VCAN: variants seen among roughly 807,000 people sequenced by gnomAD.
The protein encoded by VCAN is versican core protein.
In VCAN, 44 loss-of-function variants were observed where a neutral mutation model predicts 245.5. The observed-to-expected ratio is 0.18, with a 90% CI of 0.14 to 0.23. VCAN has a LOEUF of 0.23. Among genes scored for constraint, VCAN ranks in the 10% least tolerant of loss-of-function variants. The probability of loss-of-function intolerance (pLI) is 1.00; values close to 1 mark genes in which losing one functional copy is unlikely to be tolerated. For missense variants in VCAN, 3,793 were observed against 4,057.9 expected (o/e 0.93, Z 1.77); for synonymous variants, 1,413 against 1,437.0 (o/e 0.98, Z 0.38).
chr5:83,473,142 G>C (rs1744255425), intron 1 of VCAN, among the ~76,000 whole-genome samples: 1 of 152,172 alleles, frequency 6.6e-6, no homozygotes, highest in African/African-American at 2.4e-5. Flanking sequence ...CGGCTGGAGC[G>C]CCCCACCGTC....
intron 3 of VCAN, 106 bp downstream of exon 3, chr5:83,490,578 G>GTTT (rs963975054): frequency 6.2e-5 from 94 of 1,504,262 alleles, no homozygotes; most frequent in Admixed American, 4.8e-4. Context: ...TTGGATGAGC[G>GTTT]GAAAAACACC....
chr5:83,521,324 C>T lies in VCAN; in HGVS notation c.3018C>T (p.Val1006=). Residue 1006 remains valine (V), a synonymous_variant, in exon 7 of 15, where the codon GTC becomes GTT. Transcript: ENST00000265077. ...GTGAACCCTCTCAAGACATACTTGT[C>T]ATTGATCAGACTCGCCTTGAAGCGA... is the stretch of plus-strand genomic sequence containing the variant. The part of the protein sequence containing the change: ...VLGEPSQDIL[V]IDQTRLEATI... 1.2e-6 allele frequency: 2 copies of T among 1,614,082 alleles called. No homozygotes were observed. The highest frequency in any genetic ancestry group is 1.7e-6 in the Non-Finnish European group (2 of 1,179,952).
At chr5:83,544,105 T>C (rs1426015703) in intron 8 of VCAN, among the ~76,000 whole-genome samples, 2 of 152,222 alleles carry the variant, frequency 1.3e-5, no homozygotes, top group Non-Finnish European at 2.9e-5. Flanking sequence ...CCTAGTGTCA[T>C]TTGGATTCAG....
intron 8 of VCAN, among the ~76,000 whole-genome samples, chr5:83,543,107 A>G (rs781510510): frequency 1.5e-4 from 23 of 152,202 alleles, no homozygotes; most frequent in Non-Finnish European, 2.8e-4. Flanking sequence ...TAGTCTTTTC[A>G]CTGCTCTTTG....
At position 83,538,225 on chromosome 5, in the gene VCAN, A is replaced by G; in HGVS notation, c.5222A>G (p.Tyr1741Cys). ...GGTACGGCTTCTACATTTGAGGTAT[A>G]TTCATCTACACAGAGATCGGATCAA... is the stretch of plus-strand genomic sequence containing the variant. Reference protein sequence around the residue: ...TTGTASTFEVYSSTQRSDQLI... With the variant: ...TTGTASTFEVCSSTQRSDQLI... The change falls in exon 8 of 15, where the codon TAT (tyrosine) becomes TGT (cysteine). Residue 1741 changes from tyrosine (Y) to cysteine (C), a missense_variant. Physicochemically the swap from Tyr to Cys is radical, Grantham distance 194. Transcript: ENST00000265077. The G allele has an allele frequency of 6.2e-7, 1 of 1,613,728 alleles. No individual in the cohort carries two copies. The highest frequency in any genetic ancestry group is 8.5e-7 in the Non-Finnish European group (1 of 1,179,920).
Position 83,541,483 on chromosome 5 carries a change from C to G in VCAN, c.8480C>G (p.Ser2827Cys). The G allele has an allele frequency of 6.2e-7, 1 of 1,614,096 alleles. No homozygotes were observed. Among genetic ancestry groups the G allele is most frequent in the East Asian group, 2.2e-5 (1 of 44,872 alleles). ...FAKLSSQTPS[S>C]PLTIYSGSEA... ...AAGTTGTCTTCTCAGACACCATCAT[C>G]TCCCCTCACTATCTACTCAGGCAGT... Residue 2827 changes from serine to cysteine, a missense_variant, in exon 8 of 15, where the codon TCT becomes TGT. By Grantham distance (112) the Ser-to-Cys change is moderately radical (BLOSUM62 -1). Around this residue, in one of 5 missense-constraint regions of VCAN, gnomAD observed 3,182 missense variants for 3,250.3 expected, o/e 0.98. Transcript: ENST00000265077.
At position 83,567,395 on chromosome 5, in the gene VCAN, G is replaced by A. The variant is rs560557229; in HGVS notation, c.9736-5021G>A. Among the ~76,000 whole-genome samples, 3 of 152,188 alleles carry A rather than the reference G, an allele frequency of 2.0e-5. No individual in the cohort carries two copies. In the South Asian group the frequency reaches 6.2e-4, roughly 32 times the overall value. On this transcript the variant is annotated intron_variant, in intron 12 of 14. Coordinates refer to ENST00000265077, the MANE Select transcript of VCAN (RefSeq NM_004385.5). ...GGCTCACTGCAACCTCCACCTCCCAGGTTCAAGTGATTTTCCTGCCTCAGC... is the reference window on the plus strand; with the variant it reads ...GGCTCACTGCAACCTCCACCTCCCAAGTTCAAGTGATTTTCCTGCCTCAGC...
chr5:83,537,916 T>A lies in VCAN; in HGVS notation c.4913T>A (p.Ile1638Asn). The A allele has an allele frequency of 6.2e-7, 1 of 1,613,944 alleles. No homozygotes were observed. The highest frequency in any genetic ancestry group is 2.2e-5 in the East Asian group (1 of 44,856). Reference protein sequence around the residue: ...VELSGSSSIPITEGSGEAEED... With the variant: ...VELSGSSSIPNTEGSGEAEED... ...CTCTCAGGGAGTTCTTCGATTCCAA[T>A]TACAGAAGGCTCTGGAGAAGCAGAA... The change falls in exon 8 of 15, where the codon ATT becomes AAT. Residue 1638 changes from isoleucine (I) to asparagine (N), a missense_variant. Ile to Asn is a moderately radical substitution (Grantham distance 149). Transcript: ENST00000265077.
intron 5 of VCAN, among the ~76,000 whole-genome samples, chr5:83,498,582 T>G (rs1403386987): frequency 6.6e-6 from 1 of 152,244 alleles, no homozygotes; most frequent in Non-Finnish European, 1.5e-5. Flanking sequence ...ATTTCATTTT[T>G]GTTCTCTTGT....
In VCAN at chr5:83,548,023, T is replaced by C; in HGVS notation, c.9432T>C (p.Asp3144=). Residue 3144 remains aspartate (D), a synonymous_variant, in exon 10 of 15, where the codon GAT becomes GAC. Coordinates refer to ENST00000265077, the MANE Select transcript of VCAN (RefSeq NM_004385.5). ...NPCRNGATCV[D]GFNTFRCLCL... ...GTCGTAATGGAGCCACTTGTGTTGA[T>C]GGTTTTAACACATTCAGGTGCCTCT... 3 of 1,614,096 alleles carry C rather than the reference T, an allele frequency of 1.9e-6. No homozygotes were observed. Among genetic ancestry groups the C allele is most frequent in the Non-Finnish European group, 2.5e-6 (3 of 1,179,962 alleles).
intron 13 of VCAN, among the ~76,000 whole-genome samples, chr5:83,574,931 C>T (rs1013089674): frequency 1.3e-5 from 2 of 152,086 alleles, no homozygotes; most frequent in African/African-American, 4.8e-5. Flanking sequence ...GCACGCTGTA[C>T]AGACTTTTTC....
At chr5:83,483,731 T>A in intron 2 of VCAN, 143 bp downstream of exon 2, 2 of 786,464 alleles carry the variant, frequency 2.5e-6, no homozygotes. Flanking sequence ...TAAAATATTA[T>A]TGGACCAAAA....
chr5:83,565,442 A>G (rs1032373860), intron 12 of VCAN, among the ~76,000 whole-genome samples: 21 of 151,392 alleles, frequency 1.4e-4, no homozygotes, highest in African/African-American at 5.1e-4. Context: ...TGAGAGAGAG[A>G]CAGAGTCTCA....
intron 5 of VCAN, among the ~76,000 whole-genome samples, chr5:83,508,210 G>A (rs1435101666): frequency 6.6e-6 from 1 of 152,026 alleles, no homozygotes; most frequent in African/African-American, 2.4e-5. Context: ...ATTCTGACTG[G>A]GTACCCAGTC....
intron 3 of VCAN, among the ~76,000 whole-genome samples, chr5:83,493,239 T>C (rs1745039865): frequency 6.6e-6 from 1 of 152,214 alleles, no homozygotes; most frequent in South Asian, 2.1e-4. Context: ...GTTCCCATGA[T>C]TGCGTGAATA....
chr5:83,561,717 A>T (rs1305219498), intron 12 of VCAN, among the ~76,000 whole-genome samples: 1 of 152,200 alleles, frequency 6.6e-6, no homozygotes, highest in Non-Finnish European at 1.5e-5. Flanking sequence ...ACAATAAAGA[A>T]ATAGCCCTTA....
At chr5:83,502,496 C>T (rs976478437) in intron 5 of VCAN, among the ~76,000 whole-genome samples, 5 of 152,140 alleles carry the variant, frequency 3.3e-5, no homozygotes, top group African/African-American at 1.2e-4. Flanking sequence ...CTCAGAAACC[C>T]AGAAATTTTT....
At chr5:83,486,870 G>C (rs1008878564) in intron 2 of VCAN, among the ~76,000 whole-genome samples, 4 of 152,152 alleles carry the variant, frequency 2.6e-5, no homozygotes, top group Non-Finnish European at 4.4e-5. Flanking sequence ...ACATAAAACA[G>C]ATTTTCTGGA....
In VCAN at chr5:83,519,615, G is replaced by A. The variant is rs968422184; in HGVS notation, c.1309G>A (p.Asp437Asn). Residue 437 changes from aspartate (D) to asparagine (N), a missense_variant, in exon 7 of 15, where the codon GAT (aspartate) becomes AAT (asparagine). Around this residue, in one of 5 missense-constraint regions of VCAN, gnomAD observed 3,182 missense variants for 3,250.3 expected, o/e 0.98. Coordinates refer to ENST00000265077, the MANE Select transcript of VCAN (RefSeq NM_004385.5). Reference sequence around the variant, plus strand: ...CAGTACCAAGAAGCCCTGGGATATGGATGACTACTCACCTTCTGCTTCAGG... The same window carrying A: ...CAGTACCAAGAAGCCCTGGGATATGAATGACTACTCACCTTCTGCTTCAGG... The part of the protein sequence containing the change: ...TGSTKKPWDM[D>N]DYSPSASGPL... 2 of 1,614,118 alleles carry A rather than the reference G, an allele frequency of 1.2e-6. No homozygotes were observed. Among genetic ancestry groups the A allele is most frequent in the Non-Finnish European group, 1.7e-6 (2 of 1,179,984 alleles).
Sources: gnomAD v4.1 joint callset for allele counts (sites outside exome capture counted in the v4.1 genomes callset) on GRCh38, gnomAD v4.1.1 for gene constraint, gnomAD v4.1.1 regional missense constraint, MANE v1.5 for transcripts, NCBI Gene and HGNC (gene_info 2026-07-23, HGNC 2026-07-21) for gene names.